The following CSMD1 variants were observed in gnomAD, a reference collection of about 807,000 sequenced individuals.
CSMD1 encodes the protein CUB and sushi domain-containing protein 1.
A neutral mutation model predicts 417.5 loss-of-function variants in CSMD1; 213 were observed. The observed-to-expected ratio is 0.51, with a 90% CI of 0.46 to 0.57. The LOEUF is 0.57. Among genes scored for constraint, CSMD1 ranks in the 20% least tolerant of loss-of-function variants. The pLI, the probability that CSMD1 is intolerant of heterozygous loss-of-function variation, is 0.00. For missense variants in CSMD1, 6,923 were observed against 4,529.7 expected (o/e 1.53, Z -15.17); for synonymous variants, 2,862 against 1,736.8 (o/e 1.65, Z -16.11).
intron 3 of CSMD1, among the ~76,000 whole-genome samples, chr8:4,398,599 G>T (rs909157339): frequency 1.3e-5 from 2 of 151,870 alleles, no homozygotes; most frequent in African/African-American, 4.8e-5. Flanking sequence ...GTTTCACCGT[G>T]TTAGCCAGGA....
chr8:3,274,762 T>G (rs1251871500), intron 26 of CSMD1, among the ~76,000 whole-genome samples: 2 of 152,192 alleles, frequency 1.3e-5, no homozygotes, highest in Admixed American at 6.5e-5. Flanking sequence ...CCTGCCTTTT[T>G]TTGTTTTCCA....
chr8:3,005,220 C>A (rs1585132249), intron 52 of CSMD1, among the ~76,000 whole-genome samples: 1 of 152,178 alleles, frequency 6.6e-6, no homozygotes, highest in African/African-American at 2.4e-5. Flanking sequence ...GTGCAGTACC[C>A]TGGGTGGGAC....
chr8:3,205,365 G>T (rs1009073874), intron 31 of CSMD1, 139 bp downstream of exon 31: 11 of 567,546 alleles, frequency 1.9e-5, no homozygotes, highest in Non-Finnish European at 2.2e-5. Context: ...TGTTTGGAAG[G>T]CCTGCTACTT....
chr8:3,253,444 T>C (rs1046844725), intron 26 of CSMD1, among the ~76,000 whole-genome samples: 2 of 152,178 alleles, frequency 1.3e-5, no homozygotes, highest in Non-Finnish European at 2.9e-5. Context: ...GTGCTTTACT[T>C]CCAACTATGT....
intron 5 of CSMD1, among the ~76,000 whole-genome samples, chr8:3,902,880 T>C (rs62480081): frequency 3.3e-5 from 5 of 151,632 alleles, no homozygotes; most frequent in Admixed American, 6.6e-5. Context: ...TTTCCTTCCA[T>C]CTAACAGCCA....
intron 39 of CSMD1, 104 bp from the exon 40 acceptor site, chr8:3,151,617 G>A (rs918863005): frequency 9.9e-6 from 7 of 708,502 alleles, no homozygotes; most frequent in East Asian, 5.4e-5. Flanking sequence ...GCAAGTCTTC[G>A]GAGTTAATTC....
chr8:4,089,952 G>A (rs1213894021), intron 3 of CSMD1, among the ~76,000 whole-genome samples: 7 of 152,150 alleles, frequency 4.6e-5, no homozygotes, highest in African/African-American at 9.7e-5. Flanking sequence ...TGTTGAATAC[G>A]TTGCTGACTT....
At chr8:3,955,513 G>A (rs1012551570) in intron 5 of CSMD1, among the ~76,000 whole-genome samples, 3 of 152,122 alleles carry the variant, frequency 2.0e-5, no homozygotes, top group Non-Finnish European at 2.9e-5. Flanking sequence ...GAAGCTGTCA[G>A]CCAACCTCTA....
At chr8:4,580,606 C>T (rs975661606) in intron 2 of CSMD1, among the ~76,000 whole-genome samples, 1 of 152,062 alleles carries the variant, frequency 6.6e-6, no homozygotes, top group African/African-American at 2.4e-5. Context: ...CCCATAACTG[C>T]TCTCTCCCCT....
chr8:3,613,824 T>G (rs1049268926), intron 8 of CSMD1, among the ~76,000 whole-genome samples: 9 of 151,534 alleles, frequency 5.9e-5, no homozygotes, highest in Non-Finnish European at 1.3e-4. Flanking sequence ...ATAACTATAA[T>G]GAAAGCCAGA....
chr8:3,242,303 G>T (rs78805057), intron 26 of CSMD1, among the ~76,000 whole-genome samples: 1 of 150,092 alleles, frequency 6.7e-6, no homozygotes, highest in African/African-American at 2.4e-5. Flanking sequence ...GGAAGGGAGA[G>T]GTCAGATGGG....
chr8:3,301,808 G>A (rs372700225), intron 25 of CSMD1, among the ~76,000 whole-genome samples: 8 of 152,120 alleles, frequency 5.3e-5, no homozygotes, highest in African/African-American at 1.9e-4. Context: ...AATAAAGGAT[G>A]GATTTGGGAA....
chr8:4,329,056 C>G (rs1242203337), intron 3 of CSMD1, among the ~76,000 whole-genome samples: 1 of 152,106 alleles, frequency 6.6e-6, no homozygotes, highest in Non-Finnish European at 1.5e-5. Flanking sequence ...GGAGAATAAT[C>G]ACATAATAAA....
chr8:4,089,542 A>G (rs543607360), intron 3 of CSMD1, among the ~76,000 whole-genome samples: 6 of 152,254 alleles, frequency 3.9e-5, no homozygotes, highest in African/African-American at 1.2e-4. Context: ...CTGATTTAAC[A>G]CAATTTGGAT....
chr8:4,734,379 T>C (rs1273237068), intron 1 of CSMD1, among the ~76,000 whole-genome samples: 3 of 152,176 alleles, frequency 2.0e-5, no homozygotes, highest in African/African-American at 7.2e-5. Flanking sequence ...GAGTGTTCTA[T>C]GCATGTTTGT....
At chr8:3,681,106 G>A (rs1235595566) in intron 7 of CSMD1, among the ~76,000 whole-genome samples, 5 of 152,156 alleles carry the variant, frequency 3.3e-5, no homozygotes, top group Non-Finnish European at 7.3e-5. Flanking sequence ...AAAACTGGAA[G>A]CATTCCCTTT....
intron 51 of CSMD1, among the ~76,000 whole-genome samples, chr8:3,027,153 A>T (rs1809992652): frequency 6.6e-6 from 1 of 152,162 alleles, no homozygotes; most frequent in African/African-American, 2.4e-5. Context: ...AGATATAAGA[A>T]TAAATTGACA....
chr8:3,967,186 A>G (rs1288436347), intron 5 of CSMD1, among the ~76,000 whole-genome samples: 1 of 151,268 alleles, frequency 6.6e-6, no homozygotes, highest in Non-Finnish European at 1.5e-5. Flanking sequence ...TCACTTTCTA[A>G]CTTGATTCTC....
intron 1 of CSMD1, among the ~76,000 whole-genome samples, chr8:4,680,854 A>G (rs1041611218): frequency 5.3e-5 from 8 of 152,158 alleles, no homozygotes; most frequent in Admixed American, 3.9e-4. Context: ...TGTTGGGATT[A>G]TAAGTGTGAG....
Sources: allele counts gnomAD v4.1 joint callset (sites outside exome capture counted in the v4.1 genomes callset), GRCh38; gene constraint gnomAD v4.1.1; transcripts MANE v1.5; gene names NCBI Gene and HGNC (gene_info 2026-07-23, HGNC 2026-07-21).